Variants in GRIN2B observed in about 807,000 individuals in gnomAD.
GRIN2B encodes the protein glutamate receptor ionotropic, NMDA 2B.
In GRIN2B, 5 loss-of-function variants were observed where a neutral mutation model predicts 114.5. The ratio of observed to expected loss-of-function variants is 0.04; its 90% CI spans 0.02 to 0.09. The LOEUF (loss-of-function observed/expected upper bound fraction) is 0.09. GRIN2B is among the 10% of genes least tolerant of loss of function. The probability of loss-of-function intolerance (pLI) is 1.00; values close to 1 mark genes in which losing one functional copy is unlikely to be tolerated. For synonymous variants in GRIN2B, 787 were observed against 745.1 expected (o/e 1.06, Z -0.92); for missense variants, 1,108 against 1,943.5 (o/e 0.57, Z 8.08).
intron 12 of GRIN2B, among the ~76,000 whole-genome samples, chr12:13,569,102 C>T (rs993278653): frequency 6.6e-6 from 1 of 152,154 alleles, no homozygotes; most frequent in African/African-American, 2.4e-5. Context: ...CATCTAATAT[C>T]AGTTCTCCTA....
chr12:13,937,106 G>GGGA (rs1555159435), intron 2 of GRIN2B, among the ~76,000 whole-genome samples: 5 of 141,396 alleles, frequency 3.5e-5, no homozygotes, highest in South Asian at 2.2e-4. Context: ...AGGGGGGGGG[G>GGGA]AAGATTGAAG....
At chr12:13,958,942 G>A (rs907837736) in intron 2 of GRIN2B, among the ~76,000 whole-genome samples, 7 of 151,938 alleles carry the variant, frequency 4.6e-5, no homozygotes, top group South Asian at 2.1e-4. Context: ...GATTTGGACC[G>A]CGGGAATTAG....
chr12:13,668,814 C>T (rs1417487170), intron 5 of GRIN2B, among the ~76,000 whole-genome samples: 2 of 151,514 alleles, frequency 1.3e-5, no homozygotes, highest in Non-Finnish European at 2.9e-5. Flanking sequence ...TTGTTTTTCC[C>T]AGCCACCAGG....
At chr12:13,696,446 C>T (rs1950259712) in intron 4 of GRIN2B, among the ~76,000 whole-genome samples, 1 of 152,112 alleles carries the variant, frequency 6.6e-6, no homozygotes, top group African/African-American at 2.4e-5. Flanking sequence ...AGTAATTATT[C>T]CAAAGTCCAC....
rs1218128514 is a variant in GRIN2B at position 13,607,409 on chromosome 12, AATATATAATATATATT to A, written c.2010+1178_2010+1193del. On this transcript the variant is annotated intron_variant, in intron 10 of 13. Transcript: ENST00000609686. ...AATATATATTATATATAATATATAA[AATATATAATATATATT>A]ATATATAATATATATTATATATAAT... 6.0e-3 allele frequency among the ~76,000 whole-genome samples: 355 copies of A among 59,526 alleles called. 23 individuals are homozygous for A. In the Admixed American group the frequency reaches 0.081, roughly 14 times the overall value. 39.1% of individuals were successfully genotyped at this position (59,526 alleles called of 152,430 possible). A position where few individuals can be genotyped will look rare whatever the true frequency, so the allele number is the denominator to read the frequency against.
rs561906596 is a variant in GRIN2B, at chr12:13,674,663, C to T, written c.1125+1082G>A. Among the ~76,000 whole-genome samples the T allele has an allele frequency of 1.2e-4, 18 of 152,250 alleles. No homozygotes were observed. The East Asian group carries it at 2.5e-3, about 21-fold the overall frequency. On this transcript the variant is annotated intron_variant, in intron 5 of 13. Transcript: ENST00000609686. ...TCCATTCTAGGCAGAACTATGCTAA[C>T]ATTTTGAAGCCCATTCTCAGCCAAT...
intron 3 of GRIN2B, among the ~76,000 whole-genome samples, chr12:13,832,183 A>AT (rs1362673221): frequency 2.6e-5 from 4 of 152,244 alleles, no homozygotes; most frequent in Admixed American, 2.6e-4. Context: ...ATTTATTCTT[A>AT]TTATGAGAAC....
chr12:13,850,725 C>T (rs1865547056), intron 3 of GRIN2B, among the ~76,000 whole-genome samples: 2 of 152,174 alleles, frequency 1.3e-5, no homozygotes, highest in South Asian at 2.1e-4. Flanking sequence ...TATCCTATTA[C>T]TCCAAGGCTA....
chr12:13,585,872 T>C (rs1450738905), intron 10 of GRIN2B, among the ~76,000 whole-genome samples: 2 of 152,208 alleles, frequency 1.3e-5, no homozygotes, highest in East Asian at 3.8e-4. Flanking sequence ...ATTGAGTACC[T>C]ACTCTGCACC....
chr12:13,719,681 T>G (rs1950490220), intron 4 of GRIN2B, among the ~76,000 whole-genome samples: 1 of 152,114 alleles, frequency 6.6e-6, no homozygotes, highest in Non-Finnish European at 1.5e-5. Context: ...ACATAGCTAC[T>G]TTTTGCATCT....
At chr12:13,859,427 G>C (rs931884491) in intron 3 of GRIN2B, among the ~76,000 whole-genome samples, 1 of 152,214 alleles carries the variant, frequency 6.6e-6, no homozygotes. Context: ...GACAGGATGT[G>C]CTGGCCAACA....
At chr12:13,655,358 G>A (rs892812470) in intron 5 of GRIN2B, among the ~76,000 whole-genome samples, 5 of 152,170 alleles carry the variant, frequency 3.3e-5, no homozygotes, top group Non-Finnish European at 7.3e-5. Context: ...CCATGCCTAA[G>A]GCTAAAGCAA....
intron 3 of GRIN2B, among the ~76,000 whole-genome samples, chr12:13,806,108 A>G (rs547016249): frequency 2.5e-4 from 38 of 151,944 alleles, no homozygotes; most frequent in African/African-American, 7.5e-4. Flanking sequence ...TACACACCAC[A>G]TTTTCTTTAT....
At position 13,616,621 on chromosome 12, in the gene GRIN2B, A is replaced by T; in HGVS notation, c.1162T>A (p.Tyr388Asn). 6.2e-7 allele frequency: 1 copy of T among 1,614,074 alleles called. No individual in the cohort carries two copies. Among genetic ancestry groups the T allele is most frequent in the Non-Finnish European group, 8.5e-7 (1 of 1,179,946 alleles). Residue 388 changes from tyrosine (Y) to asparagine (N), a missense_variant, in exon 6 of 14, where the codon TAC (tyrosine) becomes AAC (asparagine). Coordinates refer to ENST00000609686, the MANE Select transcript of GRIN2B (RefSeq NM_000834.5). ...GGACACATTCGGGGCCACACATAGT[A>T]CTTCATCTGCAGGGACTTGTCTTTC... ...KWKDKSLQMK[Y>N]YVWPRMCPET...
At chr12:13,860,175 G>T (rs963168373) in intron 3 of GRIN2B, among the ~76,000 whole-genome samples, 1 of 152,166 alleles carries the variant, frequency 6.6e-6, no homozygotes, top group Non-Finnish European at 1.5e-5. Context: ...TTAAGCAAGT[G>T]GGGGTAGAGG....
chr12:13,829,005 T>C (rs78220932), intron 3 of GRIN2B, among the ~76,000 whole-genome samples: 2,302 of 152,168 alleles, frequency 0.015, 62 homozygotes, highest in African/African-American at 0.053. Context: ...TTTGCTTGCT[T>C]TCTGCTCTAC....
chr12:13,667,647 A>G (rs764029756), intron 5 of GRIN2B, among the ~76,000 whole-genome samples: 6 of 152,314 alleles, frequency 3.9e-5, no homozygotes, highest in Non-Finnish European at 8.8e-5. Context: ...GCTTTTGAAA[A>G]ACATTTAATA....
At chr12:13,649,012 C>T (rs1254089929) in intron 5 of GRIN2B, among the ~76,000 whole-genome samples, 1 of 152,020 alleles carries the variant, frequency 6.6e-6, no homozygotes, top group Non-Finnish European at 1.5e-5. Flanking sequence ...AAAATACTGG[C>T]TTTAATCACA....
At chr12:13,812,519 A>G (rs1296253330) in intron 3 of GRIN2B, among the ~76,000 whole-genome samples, 1 of 152,084 alleles carries the variant, frequency 6.6e-6, no homozygotes, top group Non-Finnish European at 1.5e-5. Context: ...TCAACTGTAG[A>G]CATTTTCCAT....
Sources: gnomAD v4.1 joint callset for allele counts (sites outside exome capture counted in the v4.1 genomes callset) on GRCh38, gnomAD v4.1.1 for gene constraint, MANE v1.5 for transcripts, NCBI Gene and HGNC (gene_info 2026-07-23, HGNC 2026-07-21) for gene names.